PNLIP: variants seen among roughly 807,000 people sequenced by gnomAD.
PNLIP encodes pancreatic triacylglycerol lipase.
Under a neutral mutation model 57.1 loss-of-function variants are expected in PNLIP, and 49 were observed. The ratio of observed to expected loss-of-function variants is 0.86; its 90% CI spans 0.68 to 1.09. The LOEUF (loss-of-function observed/expected upper bound fraction) is 1.09, where lower values mean the gene tolerates loss of function less well. Among genes scored for constraint, PNLIP ranks in the 50% least tolerant of loss-of-function variants. The pLI, the probability that PNLIP is intolerant of heterozygous loss-of-function variation, is 0.00. For synonymous variants in PNLIP, 209 were observed against 200.4 expected (o/e 1.04, Z -0.36); for missense variants, 503 against 570.2 (o/e 0.88, Z 1.20).
intron 6 of PNLIP, 44 bp from the exon 7 acceptor site, chr10:116,555,134 A>G (rs374785733): frequency 5.0e-6 from 8 of 1,609,604 alleles, no homozygotes; most frequent in Non-Finnish European, 6.8e-6. Context: ...TAATACTTGT[A>G]CTCAGGACTT....
intron 6 of PNLIP, among the ~76,000 whole-genome samples, chr10:116,554,544 A>T (rs1847231770): frequency 2.6e-5 from 4 of 152,214 alleles, no homozygotes; most frequent in African/African-American, 7.2e-5. Flanking sequence ...CTGTAAGGTT[A>T]TAAGAAAGAT....
chr10:116,548,640 G>T (rs1230717284), intron 4 of PNLIP, among the ~76,000 whole-genome samples, 158 bp downstream of exon 4: 1 of 152,188 alleles, frequency 6.6e-6, no homozygotes, highest in Non-Finnish European at 1.5e-5. Context: ...TCAAGGAGGT[G>T]GTGGTGGGAA....
At position 116,561,521 on chromosome 10, in the gene PNLIP, G is replaced by T; in HGVS notation, c.1219G>T (p.Val407Leu). The part of the protein sequence containing the change: ...STHSNEFDSD[V>L]DVGDLQMVKF... ...TCATTCCAATGAATTTGACTCAGAT[G>T]TGGATGTTGGGGACTTGCAGATGGT... is the stretch of plus-strand genomic sequence containing the variant. Residue 407 changes from valine to leucine, a missense_variant, in exon 12 of 13, where the codon GTG (valine) becomes TTG (leucine). Transcript: ENST00000369221. 6.2e-7 allele frequency: 1 copy of T among 1,613,936 alleles called. No individual in the cohort carries two copies. Among genetic ancestry groups the T allele is most frequent in the Non-Finnish European group, 8.5e-7 (1 of 1,179,860 alleles).
At chr10:116,560,030 GA>G (rs1266796593) in intron 10 of PNLIP, among the ~76,000 whole-genome samples, 1 of 151,902 alleles carries the variant, frequency 6.6e-6, no homozygotes, top group Non-Finnish European at 1.5e-5. Context: ...GGTGATCTAT[GA>G]AAATAAATTA....
rs1564727193 is a variant in PNLIP at position 116,560,526 on chromosome 10, T to C, written c.1169+2T>C. The C allele has an allele frequency of 1.5e-6, 2 of 1,328,088 alleles. No homozygotes were observed. The highest frequency in any genetic ancestry group is 1.1e-6 in the Non-Finnish European group (1 of 938,186). The allele number at this position is 1,328,088 out of a possible 1,614,324, so 82.3% of individuals were successfully genotyped here. On this transcript the variant is annotated splice_donor_variant, in intron 11 of 12. Coordinates refer to ENST00000369221, the MANE Select transcript of PNLIP (RefSeq NM_000936.4). LOFTEE classifies it high-confidence loss of function. Reference sequence around the variant, plus strand: ...CTCTAAGCAGTATGAAATTTTCAAGTGAGTAAAATAATATTGCTCTATGCT... The same window carrying C: ...CTCTAAGCAGTATGAAATTTTCAAGCGAGTAAAATAATATTGCTCTATGCT...
At chr10:116,549,209 G>A (rs749369622) in intron 4 of PNLIP, among the ~76,000 whole-genome samples, 8 of 152,154 alleles carry the variant, frequency 5.3e-5, no homozygotes, top group Non-Finnish European at 5.9e-5. Flanking sequence ...TGGGTGTGGT[G>A]GCTCATACCT....
Position 116,547,301 on chromosome 10 carries a change from A to T in PNLIP, c.54A>T (p.Glu18Asp). 6.2e-7 allele frequency: 1 copy of T among 1,614,068 alleles called. No homozygotes were observed. Among genetic ancestry groups the T allele is most frequent in the Non-Finnish European group, 8.5e-7 (1 of 1,179,954 alleles). ...CCTTCTGGGGGATTGCAGGAAAAGA[A>T]GTTTGCTACGAAAGACTCGGCTGCT... ...SLLLGAVAGK[E>D]VCYERLGCFS... The change falls in exon 3 of 13, where the codon GAA becomes GAT. Residue 18 changes from glutamate (E) to aspartate (D), a missense_variant. Glu to Asp is a conservative substitution (Grantham distance 45, BLOSUM62 2). Coordinates refer to ENST00000369221, the MANE Select transcript of PNLIP (RefSeq NM_000936.4).
At position 116,553,849 on chromosome 10, in the gene PNLIP, A is replaced by C. The variant is rs1450345333; in HGVS notation, c.571+11A>C. 5 of 1,534,942 alleles carry C rather than the reference A, an allele frequency of 3.3e-6. No individual in the cohort carries two copies. In the African/African-American group the frequency reaches 6.8e-5, roughly 21 times the overall value. Reference sequence around the variant, plus strand: ...TTGGACGCATCACAGGTTGGTGAAAACAGTGAAAGATACCAGGGGGGTTGA... The same window carrying C: ...TTGGACGCATCACAGGTTGGTGAAACCAGTGAAAGATACCAGGGGGGTTGA... On this transcript the variant is annotated intron_variant, in intron 6 of 12. Coordinates refer to ENST00000369221, the MANE Select transcript of PNLIP (RefSeq NM_000936.4).
chr10:116,551,018 A>G, intron 4 of PNLIP, 80 bp from the exon 5 acceptor site: 1 of 1,207,548 alleles, frequency 8.3e-7, no homozygotes, highest in South Asian at 1.9e-5. Flanking sequence ...GAGGGAATTT[A>G]TCCTAGTCCT....
intron 3 of PNLIP, among the ~76,000 whole-genome samples, 199 bp downstream of exon 3, chr10:116,547,647 A>AC (rs141079103): frequency 8.1e-5 from 12 of 148,728 alleles, no homozygotes; most frequent in Admixed American, 2.1e-4. Flanking sequence ...GATGGCGTGA[A>AC]CCCGGGAGGC....
intron 5 of PNLIP, among the ~76,000 whole-genome samples, chr10:116,552,587 A>G (rs1210364122): frequency 6.6e-6 from 1 of 152,060 alleles, no homozygotes; most frequent in Non-Finnish European, 1.5e-5. Flanking sequence ...TTAAAAGTTT[A>G]AAAAAAATAA....
chr10:116,549,491 A>G (rs745535745), intron 4 of PNLIP, among the ~76,000 whole-genome samples: 5 of 152,022 alleles, frequency 3.3e-5, no homozygotes, highest in Non-Finnish European at 5.9e-5. Flanking sequence ...AAAAAAAACA[A>G]AAAAAGACAC....
chr10:116,548,331 T>A (rs947168851), intron 3 of PNLIP, 29 bp from the exon 4 acceptor site: 1 of 1,611,474 alleles, frequency 6.2e-7, no homozygotes, highest in East Asian at 2.2e-5. Flanking sequence ...TATAGGAAAC[T>A]GACATGAAAC....
At chr10:116,566,843 C>A (rs142103796) in intron 12 of PNLIP, among the ~76,000 whole-genome samples, 1 of 151,956 alleles carries the variant, frequency 6.6e-6, no homozygotes, top group African/African-American at 2.4e-5. Context: ...AGGAAGTGAG[C>A]GTGAAGGGAA....
chr10:116,551,112 G>A lies in PNLIP; in HGVS notation c.339G>A (p.Val113=), dbSNP rs770578412. The change falls in exon 5 of 13, where the codon GTG becomes GTA. Residue 113 remains valine, a synonymous_variant. Coordinates refer to ENST00000369221, the MANE Select transcript of PNLIP (RefSeq NM_000936.4). ...CCTTCCACCAGAATCTGTTCAAGGT[G>A]GAAAGTGTGAACTGTATCTGTGTGG... ...LANVCKNLFK[V]ESVNCICVDW... 43 of 1,600,246 alleles carry A rather than the reference G, an allele frequency of 2.7e-5. No individual in the cohort carries two copies. The highest frequency in any genetic ancestry group is 8.5e-7 in the Non-Finnish European group (1 of 1,172,552).
intron 5 of PNLIP, among the ~76,000 whole-genome samples, chr10:116,553,293 C>T (rs552286273): frequency 7.2e-5 from 11 of 152,220 alleles, no homozygotes; most frequent in Non-Finnish European, 1.2e-4. Flanking sequence ...TTTGTAGAGA[C>T]GGGGTTTCAC....
At chr10:116,564,605 A>G (rs562868031) in intron 12 of PNLIP, among the ~76,000 whole-genome samples, 4 of 152,330 alleles carry the variant, frequency 2.6e-5, no homozygotes, top group South Asian at 4.1e-4. Flanking sequence ...AATAGGAAAT[A>G]CATGATAAAT....
chr10:116,553,995 C>T lies in PNLIP; in HGVS notation c.571+157C>T, dbSNP rs534788371. On this transcript the variant is annotated intron_variant, in intron 6 of 12. Coordinates refer to ENST00000369221, the MANE Select transcript of PNLIP (RefSeq NM_000936.4). ...CGCTACAAACTTAGACTAAATGCAG[C>T]CTGTATGTGATTTAAAAGGAAATAC... Among the ~76,000 whole-genome samples, 113 of 151,830 alleles carry T rather than the reference C, an allele frequency of 7.4e-4. 1 individual carries two copies. The highest frequency in any genetic ancestry group is 1.5e-3 in the Non-Finnish European group (99 of 67,940).
At chr10:116,551,801 C>T (rs899350528) in intron 5 of PNLIP, among the ~76,000 whole-genome samples, 1 of 152,152 alleles carries the variant, frequency 6.6e-6, no homozygotes, top group Non-Finnish European at 1.5e-5. Context: ...AAACCCATTT[C>T]CATTTTTCAT....
Sources: allele counts gnomAD v4.1 joint callset (sites outside exome capture counted in the v4.1 genomes callset), GRCh38; gene constraint gnomAD v4.1.1; transcripts MANE v1.5; gene names NCBI Gene and HGNC (gene_info 2026-07-23, HGNC 2026-07-21).